The following CPA5 variants were observed in gnomAD, a reference collection of about 807,000 sequenced individuals.
The protein encoded by CPA5 is testicular tissue protein Li 32.
A neutral mutation model predicts 52.2 loss-of-function variants in CPA5; 38 were observed. The ratio of observed to expected loss-of-function variants is 0.73; its 90% CI spans 0.56 to 0.95. The LOEUF (loss-of-function observed/expected upper bound fraction) is 0.95, where lower values mean the gene tolerates loss of function less well. Among genes scored for constraint, CPA5 ranks in the 40% least tolerant of loss-of-function variants. CPA5 has a pLI of 0.00. For missense variants in CPA5, 519 were observed against 566.7 expected (o/e 0.92, Z 0.86); for synonymous variants, 198 against 213.7 (o/e 0.93, Z 0.64).
chr7:130,364,802 C>T (rs1210436149), intron 10 of CPA5, among the ~76,000 whole-genome samples: 1 of 152,222 alleles, frequency 6.6e-6, no homozygotes, highest in Admixed American at 6.5e-5. Context: ...ATCTCCCTAA[C>T]CATGCAAGGG....
chr7:130,353,649 A>T (rs1208171729), intron 5 of CPA5, among the ~76,000 whole-genome samples: 1 of 151,976 alleles, frequency 6.6e-6, no homozygotes, highest in Non-Finnish European at 1.5e-5. Flanking sequence ...TCAACAACAG[A>T]TTTATCGCTG....
rs377756312 is a variant in CPA5 at position 130,350,050 on chromosome 7, A to T, written c.274A>T (p.Ile92Phe). 3.1e-6 allele frequency: 5 copies of T among 1,614,104 alleles called. No individual in the cohort carries two copies. The highest frequency in any genetic ancestry group is 4.2e-6 in the Non-Finnish European group (5 of 1,179,998). Residue 92 changes from isoleucine to phenylalanine, a missense_variant, in exon 5 of 13, where the codon ATC (isoleucine) becomes TTC (phenylalanine). Transcript: ENST00000474905. ...MRVPFSELKD[I>F]KAYLESHGLA... is the part of the protein sequence containing the mutation. Reference sequence around the variant, plus strand: ...AGTTCCTTTCTCTGAACTGAAAGACATCAAAGCTTATCTGGAGTCTCATGG... The same window carrying T: ...AGTTCCTTTCTCTGAACTGAAAGACTTCAAAGCTTATCTGGAGTCTCATGG...
downstream of CPA5, among the ~76,000 whole-genome samples, chr7:130,373,402 G>A (rs192422282): frequency 2.0e-3 from 306 of 152,168 alleles, 1 homozygote; most frequent in Non-Finnish European, 2.8e-3. Context: ...TGGAAAAACT[G>A]AAGAGAGAAA....
intron 4 of CPA5, among the ~76,000 whole-genome samples, chr7:130,348,688 G>C (rs1449771885): frequency 6.6e-6 from 1 of 152,162 alleles, no homozygotes; most frequent in Non-Finnish European, 1.5e-5. Flanking sequence ...GAGTATGAGT[G>C]AGGTGTGGAG....
rs782763143 is a variant in CPA5 at position 130,367,533 on chromosome 7, G to A, written c.1000G>A (p.Gly334Ser). ...SYSQMLMYPY[G>S]RLLEPVSNQR... ...CTCTCAGATGCTTATGTACCCTTAC[G>A]GCCGATTGCTGGAGCCCGTTTCAAA... Residue 334 changes from glycine (G) to serine (S), a missense_variant, in exon 11 of 13, where the codon GGC becomes AGC. Physicochemically the swap from Gly to Ser is moderately conservative, Grantham distance 56 (BLOSUM62 0). Coordinates refer to ENST00000474905, the MANE Select transcript of CPA5 (RefSeq NM_080385.5). 5.6e-6 allele frequency: 9 copies of A among 1,614,058 alleles called. No individual in the cohort carries two copies. Among genetic ancestry groups the A allele is most frequent in the African/African-American group, 1.3e-5 (1 of 75,012 alleles).
downstream of CPA5, among the ~76,000 whole-genome samples, chr7:130,371,543 A>G (rs1554409926): frequency 6.6e-6 from 1 of 151,824 alleles, no homozygotes; most frequent in African/African-American, 2.4e-5. Flanking sequence ...ACAAAAGTTG[A>G]GGCTGAAACT....
intron 4 of CPA5, among the ~76,000 whole-genome samples, 191 bp downstream of exon 4, chr7:130,348,038 G>A (rs1418821522): frequency 1.3e-5 from 2 of 152,202 alleles, no homozygotes; most frequent in African/African-American, 4.8e-5. Flanking sequence ...AATTTGGGCT[G>A]CCTTTTTAGT....
At chr7:130,352,433 G>A (rs1391380648) in intron 5 of CPA5, among the ~76,000 whole-genome samples, 17 of 152,080 alleles carry the variant, frequency 1.1e-4, no homozygotes, top group African/African-American at 3.9e-4. Context: ...GGTTGCTATG[G>A]GAGCGCATAC....
At chr7:130,350,629 C>T (rs1279081266) in intron 5 of CPA5, among the ~76,000 whole-genome samples, 3 of 152,180 alleles carry the variant, frequency 2.0e-5, no homozygotes, top group Non-Finnish European at 4.4e-5. Flanking sequence ...CTTGGCTCTC[C>T]GCACGGGGCA....
At chr7:130,370,163 CTGGCTGGGCAT>C (rs1340414331), downstream of CPA5, among the ~76,000 whole-genome samples, 1 of 152,222 alleles carries the variant, frequency 6.6e-6, no homozygotes, top group Non-Finnish European at 1.5e-5. Flanking sequence ...ACAGCAGGCA[CTGGCTGGGCAT>C]TGGCTGGGCA....
intron 3 of CPA5, among the ~76,000 whole-genome samples, chr7:130,346,839 G>A (rs1794779028): frequency 6.6e-6 from 1 of 152,076 alleles, no homozygotes; most frequent in Non-Finnish European, 1.5e-5. Flanking sequence ...AAGCCCCCGG[G>A]GCTCCAAGAA....
intron 8 of CPA5, 137 bp from the exon 9 acceptor site, chr7:130,362,747 C>T (rs139185474): frequency 3.1e-6 from 2 of 651,842 alleles, no homozygotes; most frequent in Admixed American, 2.6e-5. Flanking sequence ...AAAATCCAAG[C>T]CTTTGGTTCT....
At chr7:130,348,996 C>T (rs1305186065) in intron 4 of CPA5, among the ~76,000 whole-genome samples, 2 of 152,326 alleles carry the variant, frequency 1.3e-5, no homozygotes, top group Non-Finnish European at 2.9e-5. Flanking sequence ...GACCGACTGT[C>T]GCGGTGTTGC....
intron 5 of CPA5, among the ~76,000 whole-genome samples, chr7:130,352,647 A>G (rs533666078): frequency 6.6e-6 from 1 of 152,282 alleles, no homozygotes; most frequent in South Asian, 2.1e-4. Flanking sequence ...AGGTGCTTTC[A>G]CATGATCAGA....
intron 6 of CPA5, 25 bp downstream of exon 6, chr7:130,359,712 G>T: frequency 6.5e-7 from 1 of 1,529,916 alleles, no homozygotes; most frequent in South Asian, 1.2e-5. Context: ...GCAAGCTCTG[G>T]GCTCTCTTGT....
intron 5 of CPA5, among the ~76,000 whole-genome samples, chr7:130,356,249 C>T (rs138441570): frequency 6.0e-4 from 91 of 152,322 alleles, no homozygotes; most frequent in African/African-American, 2.1e-3. Context: ...CTCCCCTGCC[C>T]AACCCGGGAG....
At position 130,352,652 on chromosome 7, in the gene CPA5, A is replaced by G. The variant is rs114608715; in HGVS notation, c.333+2543A>G. On this transcript the variant is annotated intron_variant, in intron 5 of 12. Coordinates refer to ENST00000474905, the MANE Select transcript of CPA5 (RefSeq NM_080385.5). ...GAGTCATGGGAGGTGCTTTCACATG[A>G]TCAGATTTGCATTTCAGAAACACCA... Among the ~76,000 whole-genome samples, 1,340 of 152,146 alleles carry G rather than the reference A, an allele frequency of 8.8e-3. 20 individuals carry two copies. Among genetic ancestry groups the G allele is most frequent in the African/African-American group, 0.031 (1,269 of 41,500 alleles).
At chr7:130,358,155 A>G (rs7803537) in intron 5 of CPA5, among the ~76,000 whole-genome samples, 104,621 of 151,836 alleles carry the variant, frequency 0.69, 36,287 homozygotes, top group African/African-American at 0.77. Context: ...ACCAAGCCTG[A>G]CTAATTTTTT....
chr7:130,361,870 C>CCTG (rs1284356119), intron 7 of CPA5, among the ~76,000 whole-genome samples: 3 of 152,174 alleles, frequency 2.0e-5, no homozygotes, highest in Admixed American at 2.0e-4. Context: ...AGGGCAGGTG[C>CCTG]CTGCTGCTGC....
Sources: gnomAD v4.1 joint callset for allele counts (sites outside exome capture counted in the v4.1 genomes callset) on GRCh38, gnomAD v4.1.1 for gene constraint, MANE v1.5 for transcripts, NCBI Gene and HGNC (gene_info 2026-07-23, HGNC 2026-07-21) for gene names.